The following RAB6B variants were observed in gnomAD, a reference collection of about 807,000 sequenced individuals.
The protein encoded by RAB6B is RAB6B, member RAS oncogene family, also known as ras-related protein Rab-6B.
In RAB6B, 7 loss-of-function variants were observed where a neutral mutation model predicts 31.2. The observed-to-expected ratio is 0.22, with a 90% CI of 0.13 to 0.42. The LOEUF (loss-of-function observed/expected upper bound fraction) is 0.42, where lower values mean the gene tolerates loss of function less well. RAB6B is among the 10% of genes least tolerant of loss of function. The pLI, the probability that RAB6B is intolerant of heterozygous loss-of-function variation, is 1.00. For synonymous variants in RAB6B, 105 were observed against 104.9 expected (o/e 1.00, Z -0.01); for missense variants, 149 against 280.6 (o/e 0.53, Z 3.35).
chr3:133,867,769 A>T (rs1255915507), intron 1 of RAB6B, among the ~76,000 whole-genome samples: 1 of 152,204 alleles, frequency 6.6e-6, no homozygotes, highest in African/African-American at 2.4e-5. Context: ...GGGCTCAGAA[A>T]GTGAGGGTTT....
intron 2 of RAB6B, among the ~76,000 whole-genome samples, chr3:133,842,644 A>T (rs932543245): frequency 6.6e-6 from 1 of 152,224 alleles, no homozygotes; most frequent in Non-Finnish European, 1.5e-5. Flanking sequence ...ATAAACAAAA[A>T]ACAGGTTATA....
chr3:133,866,723 G>A (rs146211628), intron 1 of RAB6B, among the ~76,000 whole-genome samples: 1 of 152,380 alleles, frequency 6.6e-6, no homozygotes, highest in African/African-American at 2.4e-5. Context: ...TGAGGCCCCA[G>A]GCACCTGGCT....
chr3:133,842,584 G>GA (rs34017260), intron 2 of RAB6B, among the ~76,000 whole-genome samples: 5 of 152,092 alleles, frequency 3.3e-5, no homozygotes, highest in East Asian at 1.9e-4. Flanking sequence ...TCACATTCTT[G>GA]AAAAAATATT....
intron 1 of RAB6B, among the ~76,000 whole-genome samples, chr3:133,872,060 C>G (rs1936333468): frequency 6.6e-6 from 1 of 152,182 alleles, no homozygotes; most frequent in African/African-American, 2.4e-5. Flanking sequence ...CCTGTGTTTT[C>G]AGGAAATCAG....
intron 1 of RAB6B, among the ~76,000 whole-genome samples, chr3:133,866,030 T>A (rs1257713435): frequency 6.6e-6 from 1 of 152,184 alleles, no homozygotes; most frequent in Non-Finnish European, 1.5e-5. Context: ...GTTATCACCA[T>A]CCCAGGACCT....
chr3:133,888,309 TG>T (rs1166332778), intron 1 of RAB6B, among the ~76,000 whole-genome samples: 1 of 152,232 alleles, frequency 6.6e-6, no homozygotes, highest in Non-Finnish European at 1.5e-5. Context: ...ACAGGGTGGC[TG>T]GGAAGATAAA....
Position 133,895,556 on chromosome 3 carries a change from C to T in RAB6B, c.-90G>A, listed in dbSNP as rs1172499809. On this transcript the variant is annotated 5_prime_UTR_variant, in exon 1 of 8. Transcript: ENST00000285208. Reference sequence around the variant, plus strand: ...TAGGAGGGCGAGGGGAGGCGGCCGGCGGTGCGGGAGCCGGAGGGGGAAGGG... The same window carrying T: ...TAGGAGGGCGAGGGGAGGCGGCCGGTGGTGCGGGAGCCGGAGGGGGAAGGG... 3.7e-6 allele frequency: 5 copies of T among 1,362,702 alleles called. No individual in the cohort carries two copies. The highest frequency in any genetic ancestry group is 1.4e-5 in the African/African-American group (1 of 69,120). The allele number at this position is 1,362,702 out of a possible 1,614,324, so 84.4% of individuals were successfully genotyped here.
chr3:133,858,865 T>C (rs1285527207), intron 2 of RAB6B, among the ~76,000 whole-genome samples: 1 of 152,224 alleles, frequency 6.6e-6, no homozygotes, highest in Non-Finnish European at 1.5e-5. Flanking sequence ...GTCTTAGTAC[T>C]GCATTTTTTT....
At chr3:133,838,556 C>T (rs1206935381) in intron 5 of RAB6B, among the ~76,000 whole-genome samples, 1 of 152,214 alleles carries the variant, frequency 6.6e-6, no homozygotes, top group East Asian at 1.9e-4. Flanking sequence ...CCAGTAGTCA[C>T]TACTGCAGAG....
At position 133,888,321 on chromosome 3, in the gene RAB6B, A is replaced by G. The variant is rs1559915079; in HGVS notation, c.70+7076T>C. ...GTCACAGGGTGGCTGGGAAGATAAA[A>G]AGTGCCCTGTGTGGAGCCTCCGGCA... On this transcript the variant is annotated intron_variant, in intron 1 of 7. Transcript: ENST00000285208. 3.3e-5 allele frequency among the ~76,000 whole-genome samples: 5 copies of G among 152,216 alleles called. No individual in the cohort carries two copies. The South Asian group carries it at 1.0e-3, about 32-fold the overall frequency.
intron 1 of RAB6B, among the ~76,000 whole-genome samples, chr3:133,871,476 T>A (rs1936322837): frequency 6.6e-6 from 1 of 152,234 alleles, no homozygotes; most frequent in African/African-American, 2.4e-5. Context: ...TTTGCCCACA[T>A]TTCTCCACAG....
chr3:133,860,549 A>G (rs1192318679), intron 2 of RAB6B, among the ~76,000 whole-genome samples: 4 of 152,232 alleles, frequency 2.6e-5, no homozygotes, highest in Non-Finnish European at 5.9e-5. Flanking sequence ...AGGCAGCCCC[A>G]GGAGAAGAGA....
At position 133,834,654 on chromosome 3, in the gene RAB6B, A is replaced by G. The variant is rs1425842422; in HGVS notation, c.496-13T>C. On this transcript the variant is annotated splice_polypyrimidine_tract_variant and intron_variant, in intron 6 of 7. Transcript: ENST00000285208. Reference sequence around the variant, plus strand: ...CACGTCGAAAAAGCTGGAAAGATGAAGAAATGCAGTGTGAACCCCAACCCT... The same window carrying G: ...CACGTCGAAAAAGCTGGAAAGATGAGGAAATGCAGTGTGAACCCCAACCCT... 3.7e-6 allele frequency: 6 copies of G among 1,613,544 alleles called. No homozygotes were observed. Among genetic ancestry groups the G allele is most frequent in the African/African-American group, 1.3e-5 (1 of 74,936 alleles).
chr3:133,863,198 G>A (rs1270248013), intron 2 of RAB6B, among the ~76,000 whole-genome samples: 1 of 152,168 alleles, frequency 6.6e-6, no homozygotes, highest in African/African-American at 2.4e-5. Context: ...CAATTCCTAT[G>A]GTCAGTTTCA....
chr3:133,860,186 A>G (rs1379583430), intron 2 of RAB6B, among the ~76,000 whole-genome samples: 1 of 152,216 alleles, frequency 6.6e-6, no homozygotes, highest in African/African-American at 2.4e-5. Context: ...CCCACTTGGA[A>G]CTTCAGAATA....
Position 133,876,638 on chromosome 3 carries a change from A to C in RAB6B, c.71-11996T>G, listed in dbSNP as rs57166424. 3.9e-3 allele frequency among the ~76,000 whole-genome samples: 593 copies of C among 152,338 alleles called. 7 individuals carry two copies. Among genetic ancestry groups the C allele is most frequent in the African/African-American group, 0.013 (547 of 41,578 alleles). On this transcript the variant is annotated intron_variant, in intron 1 of 7. Transcript: ENST00000285208. ...CCTGGCAGTCAAAGGGGAAAAAAAG[A>C]AGCACAACCAAGGGTAAGATTCACA...
chr3:133,834,546 T>C (rs1430049223), intron 7 of RAB6B, 29 bp downstream of exon 7: 1 of 1,589,728 alleles, frequency 6.3e-7, no homozygotes. Flanking sequence ...TATACATCTT[T>C]TCACTCACTT....
intron 1 of RAB6B, chr3:133,885,768 C>T (rs1483769105): frequency 2.5e-5 from 15 of 603,892 alleles, no homozygotes; most frequent in Non-Finnish European, 4.4e-5. Flanking sequence ...CCCCTACAAT[C>T]CTTCATTGTT....
At chr3:133,848,250 T>C (rs1239248984) in intron 2 of RAB6B, among the ~76,000 whole-genome samples, 9 of 152,222 alleles carry the variant, frequency 5.9e-5, no homozygotes, top group Non-Finnish European at 1.0e-4. Context: ...TTGCTCCTCT[T>C]CACTTGCTGT....
Sources: allele counts gnomAD v4.1 joint callset (sites outside exome capture counted in the v4.1 genomes callset), GRCh38; gene constraint gnomAD v4.1.1; transcripts MANE v1.5; gene names NCBI Gene and HGNC (gene_info 2026-07-23, HGNC 2026-07-21).